WDR62: variants seen among roughly 807,000 people sequenced by gnomAD.
WDR62 encodes the protein WD repeat-containing protein 62.
A neutral mutation model predicts 160.6 loss-of-function variants in WDR62; 112 were observed. The ratio of observed to expected loss-of-function variants is 0.70; its 90% CI spans 0.60 to 0.82. The LOEUF (loss-of-function observed/expected upper bound fraction) is 0.82, where lower values mean the gene tolerates loss of function less well. Ranked by LOEUF, WDR62 falls within the 40% of genes least tolerant of loss-of-function variation. The probability of loss-of-function intolerance (pLI) is 0.00; values close to 1 mark genes in which losing one functional copy is unlikely to be tolerated. For synonymous variants in WDR62, 792 were observed against 815.1 expected (o/e 0.97, Z 0.48); for missense variants, 1,819 against 1,983.8 (o/e 0.92, Z 1.58).
At chr19:36,080,225 A>G (rs1971814338) in intron 9 of WDR62, among the ~76,000 whole-genome samples, 1 of 151,084 alleles carries the variant, frequency 6.6e-6, no homozygotes, top group South Asian at 2.1e-4. Context: ...CTCCTGCCTC[A>G]GCCTCCTGAG....
At chr19:36,094,534 A>T (rs1972839286) in intron 20 of WDR62, among the ~76,000 whole-genome samples, 1 of 151,716 alleles carries the variant, frequency 6.6e-6, no homozygotes, top group Non-Finnish European at 1.5e-5. Context: ...AGCCTGGGCA[A>T]CAGAGCAAGA....
chr19:36,069,029 C>T (rs1159035064), intron 7 of WDR62, among the ~76,000 whole-genome samples: 1 of 150,946 alleles, frequency 6.6e-6, no homozygotes, highest in Non-Finnish European at 1.5e-5. Context: ...TGGGCAGGGG[C>T]TGACCCCCAC....
intron 22 of WDR62, 91 bp downstream of exon 22, chr19:36,099,708 G>A (rs1027417902): frequency 2.3e-6 from 3 of 1,283,338 alleles, no homozygotes; most frequent in African/African-American, 2.9e-5. Flanking sequence ...CTCCATGGGG[G>A]CAGGGAGGAT....
In WDR62 at chr19:36,067,378, T is replaced by A; in HGVS notation, c.634T>A (p.Tyr212Asn). 1 of 1,614,236 alleles carries A rather than the reference T, an allele frequency of 6.2e-7. No homozygotes were observed. Among genetic ancestry groups the A allele is most frequent in the Non-Finnish European group, 8.5e-7 (1 of 1,180,032 alleles). Residue 212 changes from tyrosine (Y) to asparagine (N), a missense_variant, in exon 6 of 32, where the codon TAT (tyrosine) becomes AAT (asparagine). This residue lies in a region of WDR62 where 934 missense variants were observed against 1,157.2 expected (regional missense o/e 0.81). Coordinates refer to ENST00000401500, the MANE Select transcript of WDR62 (RefSeq NM_001083961.2). The stretch of plus-strand genomic sequence containing the variant: ...CCTCTCCTTCTCAGAGGACAGCAGC[T>A]ATTTTGTCACTGTTGGGAACCGCCA... ...IALSFSEDSS[Y>N]FVTVGNRHVR...
At chr19:36,096,015 C>T (rs1160351129) in intron 20 of WDR62, among the ~76,000 whole-genome samples, 3 of 152,160 alleles carry the variant, frequency 2.0e-5, no homozygotes, top group Non-Finnish European at 2.9e-5. Flanking sequence ...TAAGCCTCCT[C>T]GAAATGTGAG....
rs889834884 is a variant in WDR62, at chr19:36,086,546, C to G, written c.1643-141C>G. 8 of 1,107,520 alleles carry G rather than the reference C, an allele frequency of 7.2e-6. No homozygotes were observed. In the Admixed American group the frequency reaches 1.0e-4, roughly 14 times the overall value. The allele number at this position is 1,107,520 out of a possible 1,614,324, so 68.6% of individuals were successfully genotyped here. On this transcript the variant is annotated intron_variant, in intron 12 of 31. Transcript: ENST00000401500. ...ACAGAGCTAAGGGAGTGGCCCTTGC[C>G]AGGCTTGGGCCAAGTTGGCTACAGT...
chr19:36,068,427 G>C (rs543164744), intron 7 of WDR62, among the ~76,000 whole-genome samples: 3 of 152,022 alleles, frequency 2.0e-5, no homozygotes, highest in Non-Finnish European at 2.9e-5. Flanking sequence ...CAGGGTCTTA[G>C]GACAATAGTG....
intron 20 of WDR62, among the ~76,000 whole-genome samples, chr19:36,096,292 C>CAAGG (rs1421050828): frequency 6.6e-6 from 1 of 151,958 alleles, no homozygotes; most frequent in Non-Finnish European, 1.5e-5. Flanking sequence ...TGTGTAGAGA[C>CAAGG]AAGGTCTCAC....
At position 36,081,470 on chromosome 19, in the gene WDR62, C is replaced by G; in HGVS notation, c.1271C>G (p.Pro424Arg). The G allele has an allele frequency of 6.2e-7, 1 of 1,614,066 alleles. No homozygotes were observed. The highest frequency in any genetic ancestry group is 8.5e-7 in the Non-Finnish European group (1 of 1,180,034). Residue 424 changes from proline (P) to arginine (R), a missense_variant, in exon 10 of 32, where the codon CCA becomes CGA. Transcript: ENST00000401500. ...PEFEDQRACL[P>R]SGSFLTCSSD... Reference sequence around the variant, plus strand: ...TTTGAAGACCAGAGAGCTTGTTTGCCATCAGGATCCTTTCTGACTTGTTCT... The same window carrying G: ...TTTGAAGACCAGAGAGCTTGTTTGCGATCAGGATCCTTTCTGACTTGTTCT...
At chr19:36,090,550 C>T (rs1199086902) in intron 16 of WDR62, 30 bp downstream of exon 16, 1 of 1,608,450 alleles carries the variant, frequency 6.2e-7, no homozygotes, top group Non-Finnish European at 8.5e-7. Flanking sequence ...TGTCTGTCTG[C>T]TGCCCTGATG....
intron 10 of WDR62, 194 bp downstream of exon 10, chr19:36,081,764 C>A: frequency 1.4e-6 from 1 of 735,078 alleles, no homozygotes; most frequent in Non-Finnish European, 2.4e-6. Context: ...TCTGAGGTGG[C>A]ACGCTCTATC....
rs534402870 is a variant in WDR62 at position 36,097,179 on chromosome 19, C to T, written c.2520+100C>T. ...TTTTTCCTTTCCATGTCCCTCTTTT[C>T]CCTGGAGAAGCCCTGTCATCCTTCC... On this transcript the variant is annotated intron_variant, in intron 21 of 31. Coordinates refer to ENST00000401500, the MANE Select transcript of WDR62 (RefSeq NM_001083961.2). 5.7e-5 allele frequency: 66 copies of T among 1,164,056 alleles called. No individual in the cohort carries two copies. The South Asian group carries it at 7.9e-4, about 14-fold the overall frequency. 72.1% of individuals were successfully genotyped at this position (1,164,056 alleles called of 1,614,324 possible). A position where few individuals can be genotyped will look rare whatever the true frequency, so the allele number is the denominator to read the frequency against.
chr19:36,059,927 C>T (rs1204805046), intron 2 of WDR62, 41 bp from the exon 3 acceptor site: 3 of 1,609,214 alleles, frequency 1.9e-6, no homozygotes, highest in African/African-American at 2.7e-5. Context: ...AGGACCCCAA[C>T]ACTCCCCACA....
chr19:36,093,075 G>T (rs1182779434), intron 19 of WDR62, among the ~76,000 whole-genome samples: 1 of 152,224 alleles, frequency 6.6e-6, no homozygotes, highest in East Asian at 1.9e-4. Context: ...GGGCCCAAGT[G>T]ATCCTCCCAC....
intron 7 of WDR62, among the ~76,000 whole-genome samples, chr19:36,068,684 A>G (rs1005126121): frequency 2.0e-5 from 3 of 152,276 alleles, no homozygotes; most frequent in Non-Finnish European, 4.4e-5. Context: ...GTAAGGTCAT[A>G]GATCAACAGC....
At chr19:36,080,230 C>CCCAGGTTCAAGCAATTCTG in intron 9 of WDR62, among the ~76,000 whole-genome samples, 1 of 151,486 alleles carries the variant, frequency 6.6e-6, no homozygotes, top group East Asian at 1.9e-4. Context: ...GCCTCAGCCT[C>CCCAGGTTCAAGCAATTCTG]CTGAGTAGCT....
chr19:36,058,971 C>G (rs1393189757), intron 2 of WDR62, 100 bp downstream of exon 2: 1 of 997,208 alleles, frequency 1.0e-6, no homozygotes, highest in East Asian at 2.6e-5. Flanking sequence ...TATTTTTCAC[C>G]TGTAGAATGT....
intron 6 of WDR62, 109 bp from the exon 7 acceptor site, chr19:36,067,719 C>T (rs964693302): frequency 7.7e-7 from 1 of 1,300,990 alleles, no homozygotes; most frequent in African/African-American, 1.5e-5. Context: ...TTCCCTTCTC[C>T]ATTTGGAAGA....
intron 3 of WDR62, among the ~76,000 whole-genome samples, chr19:36,063,980 G>C (rs983082947): frequency 6.6e-6 from 1 of 152,212 alleles, no homozygotes; most frequent in African/African-American, 2.4e-5. Context: ...TGCCCTGTCT[G>C]GTTAGGTAAC....
Sources: gnomAD v4.1 joint callset for allele counts (sites outside exome capture counted in the v4.1 genomes callset) on GRCh38, gnomAD v4.1.1 for gene constraint, gnomAD v4.1.1 regional missense constraint, MANE v1.5 for transcripts, NCBI Gene and HGNC (gene_info 2026-07-23, HGNC 2026-07-21) for gene names.